Variants in RNF17 observed in about 807,000 individuals in gnomAD.
RNF17 encodes spermatogenesis associated 23.
Under a neutral mutation model 200.5 loss-of-function variants are expected in RNF17, and 31 were observed. The observed-to-expected ratio is 0.15, with a 90% CI of 0.12 to 0.21. The LOEUF (loss-of-function observed/expected upper bound fraction) is 0.21. Ranked by LOEUF, RNF17 falls within the 10% of genes least tolerant of loss-of-function variation. The probability of loss-of-function intolerance (pLI) is 1.00; values close to 1 mark genes in which losing one functional copy is unlikely to be tolerated. For missense variants in RNF17, 1,628 were observed against 1,905.1 expected, an observed-to-expected ratio of 0.85 and a Z score of 2.71; for synonymous variants, 606 against 637.8, an observed-to-expected ratio of 0.95 and a Z score of 0.75.
intron 1 of RNF17, 48 bp downstream of exon 1, chr13:24,764,381 C>T (rs953479216): frequency 6.6e-6 from 10 of 1,517,230 alleles, no homozygotes; most frequent in East Asian, 4.9e-5. Context: ...CTGGAGGGAG[C>T]GCTGGGGGCC....
At chr13:24,842,266 A>T in intron 19 of RNF17, 105 bp downstream of exon 19, 1 of 962,284 alleles carries the variant, frequency 1.0e-6, no homozygotes, top group Non-Finnish European at 1.5e-6. Context: ...ATGAGCTTAG[A>T]CTGTAGACCT....
In RNF17 at chr13:24,824,213, G is replaced by T. The variant is rs1257491491; in HGVS notation, c.2092-1406G>T. 7 of 713,614 alleles carry T rather than the reference G, an allele frequency of 9.8e-6. No individual in the cohort carries two copies. In the South Asian group the frequency reaches 1.1e-4, roughly 11 times the overall value. The allele number at this position is 713,614 out of a possible 1,614,324, so 44.2% of individuals were successfully genotyped here. On this transcript the variant is annotated intron_variant, in intron 15 of 35. Coordinates refer to ENST00000255324, the MANE Select transcript of RNF17 (RefSeq NM_031277.3). ...CTTTGTAGAGATCTGATCTAATAAAGTTGGTTGAGACACTTTCTCATTTTT... is the reference window on the plus strand; with the variant it reads ...CTTTGTAGAGATCTGATCTAATAAATTTGGTTGAGACACTTTCTCATTTTT...
chr13:24,788,286 TTGATGAC>T, intron 7 of RNF17, 127 bp downstream of exon 7: 1 of 626,572 alleles, frequency 1.6e-6, no homozygotes, highest in Non-Finnish European at 2.6e-6. Context: ...GAATTCTAAA[TTGATGAC>T]AATATAGGTT....
intron 2 of RNF17, among the ~76,000 whole-genome samples, chr13:24,774,030 A>G (rs973753996): frequency 7.9e-5 from 12 of 152,182 alleles, no homozygotes; most frequent in African/African-American, 2.7e-4. Context: ...ACCATCAACT[A>G]TCCAACTTTC....
At chr13:24,856,067 A>G (rs957842548) in intron 25 of RNF17, among the ~76,000 whole-genome samples, 3 of 152,150 alleles carry the variant, frequency 2.0e-5, no homozygotes, top group East Asian at 3.9e-4. Flanking sequence ...CTGGATGAAC[A>G]GAAGGTCTTA....
intron 31 of RNF17, among the ~76,000 whole-genome samples, chr13:24,869,863 G>A (rs754576286): frequency 6.6e-6 from 1 of 151,586 alleles, no homozygotes; most frequent in Non-Finnish European, 1.5e-5. Context: ...AACTTCCCAG[G>A]CTCAACCATT....
At chr13:24,774,229 T>C (rs934685134) in intron 2 of RNF17, among the ~76,000 whole-genome samples, 6 of 152,014 alleles carry the variant, frequency 3.9e-5, no homozygotes, top group African/African-American at 1.5e-4. Context: ...TGAAATAGAG[T>C]CTGGCTCTTT....
chr13:24,818,147 G>C (rs980547059), intron 15 of RNF17, among the ~76,000 whole-genome samples: 1 of 151,948 alleles, frequency 6.6e-6, no homozygotes, highest in Admixed American at 6.6e-5. Context: ...TTGACCTGTT[G>C]GTAGTTTGTG....
At chr13:24,772,647 G>A (rs533664969) in intron 2 of RNF17, among the ~76,000 whole-genome samples, 116 of 149,438 alleles carry the variant, frequency 7.8e-4, no homozygotes, top group Non-Finnish European at 1.4e-3. Flanking sequence ...GTTTCGCTCT[G>A]TCACCCAGGC....
upstream of RNF17, among the ~76,000 whole-genome samples, chr13:24,759,301 G>A (rs150781309): frequency 1.3e-5 from 2 of 152,132 alleles, no homozygotes; most frequent in Admixed American, 1.3e-4. Flanking sequence ...TTACATTGTT[G>A]GTAGCATAAC....
chr13:24,753,257 AG>A, the RNF17 span, among the ~76,000 whole-genome samples: 1 of 152,258 alleles, frequency 6.6e-6, no homozygotes, highest in South Asian at 2.1e-4. Context: ...GAAGAAGAAT[AG>A]GGGATGTAAC....
Position 24,781,845 on chromosome 13 carries a change from C to G in RNF17, c.512C>G (p.Ala171Gly). The change falls in exon 6 of 36, where the codon GCA (alanine) becomes GGA (glycine). Residue 171 changes from alanine (A) to glycine (G), a missense_variant and splice_region_variant. Around this residue, in one of 5 missense-constraint regions of RNF17, gnomAD observed 502 missense variants for 501.7 expected, o/e 1.00. Transcript: ENST00000255324. Reference sequence around the variant, plus strand: ...TTGTCTTGTTTTTTTTTTTTCCAGGCACTTGAACACATGCAGAAGCAAACG... The same window carrying G: ...TTGTCTTGTTTTTTTTTTTTCCAGGGACTTGAACACATGCAGAAGCAAACG... The part of the protein sequence containing the change: ...SFEQLSIAGK[A>G]LEHMQKQTIE... 6.3e-7 allele frequency: 1 copy of G among 1,584,558 alleles called. No homozygotes were observed. The highest frequency in any genetic ancestry group is 8.6e-7 in the Non-Finnish European group (1 of 1,167,632).
intron 15 of RNF17, 132 bp from the exon 16 acceptor site, chr13:24,825,487 A>G (rs1888525872): frequency 1.5e-6 from 1 of 677,942 alleles, no homozygotes; most frequent in Non-Finnish European, 2.5e-6. Flanking sequence ...AAATTACGTA[A>G]CACAATTGAT....
chr13:24,792,116 A>G (rs75725783), intron 9 of RNF17, among the ~76,000 whole-genome samples: 2,967 of 152,214 alleles, frequency 0.019, 93 homozygotes, highest in African/African-American at 0.067. Flanking sequence ...TTTGCAATCA[A>G]TATGTTCTTT....
chr13:24,812,631 C>A (rs1343280601), intron 15 of RNF17, among the ~76,000 whole-genome samples: 9 of 149,648 alleles, frequency 6.0e-5, no homozygotes, highest in Non-Finnish European at 1.0e-4. Context: ...GAGCTGTAGA[C>A]CGGAGCTGTT....
the RNF17 span, among the ~76,000 whole-genome samples, chr13:24,887,217 G>C: frequency 6.6e-6 from 1 of 152,166 alleles, no homozygotes; most frequent in Non-Finnish European, 1.5e-5. Flanking sequence ...AGAGCAAAAA[G>C]ACAAGCCATG....
Position 24,799,423 on chromosome 13 carries a change from A to T in RNF17, c.1428A>T (p.Lys476Asn). Residue 476 changes from lysine (K) to asparagine (N), a missense_variant, in exon 12 of 36, where the codon AAA (lysine) becomes AAT (asparagine). By Grantham distance (94) the Lys-to-Asn change is moderately conservative (BLOSUM62 0). Coordinates refer to ENST00000255324, the MANE Select transcript of RNF17 (RefSeq NM_031277.3). ...LGARIFVSSI[K>N]NGMWCRGTIT... The stretch of plus-strand genomic sequence containing the variant: ...CAAGAATATTTGTCAGCAGTATTAA[A>T]AATGGAATGTGGTGTCGAGGAACTA... The T allele has an allele frequency of 6.2e-7, 1 of 1,608,914 alleles. No individual in the cohort carries two copies. Among genetic ancestry groups the T allele is most frequent in the Non-Finnish European group, 8.5e-7 (1 of 1,177,708 alleles).
chr13:24,842,260 G>A, intron 19 of RNF17, 99 bp downstream of exon 19: 1 of 1,060,910 alleles, frequency 9.4e-7, no homozygotes, highest in East Asian at 2.7e-5. Flanking sequence ...TTGGAGATGA[G>A]CTTAGACTGT....
chr13:24,884,484 T>TATCA, downstream of RNF17: 2 of 1,613,362 alleles, frequency 1.2e-6, no homozygotes, highest in Non-Finnish European at 8.5e-7. Context: ...AACACAAGAT[T>TATCA]ATCACCTAAG....
Sources: gnomAD v4.1 joint callset for allele counts (sites outside exome capture counted in the v4.1 genomes callset) on GRCh38, gnomAD v4.1.1 for gene constraint, gnomAD v4.1.1 regional missense constraint, MANE v1.5 for transcripts, NCBI Gene and HGNC (gene_info 2026-07-23, HGNC 2026-07-21) for gene names.